PHC3: variants seen among roughly 807,000 people sequenced by gnomAD.
PHC3 encodes the protein polyhomeotic-like protein 3.
In PHC3, 13 loss-of-function variants were observed where a neutral mutation model predicts 107.4. The ratio of observed to expected loss-of-function variants is 0.12; its 90% CI spans 0.08 to 0.19. PHC3 has a LOEUF of 0.19. PHC3 is among the 10% of genes least tolerant of loss of function. The pLI is 1.00. For synonymous variants in PHC3, 456 were observed against 427.4 expected (o/e 1.07, Z -0.83); for missense variants, 992 against 1,210.9 (o/e 0.82, Z 2.68).
At chr3:170,155,947 A>C (rs1279572167) in intron 4 of PHC3, among the ~76,000 whole-genome samples, 1 of 152,086 alleles carries the variant, frequency 6.6e-6, no homozygotes, top group East Asian at 1.9e-4. Flanking sequence ...GTAGATATTA[A>C]TTTTAGAATC....
intron 1 of PHC3, among the ~76,000 whole-genome samples, chr3:170,181,450 T>G (rs964005350): frequency 3.9e-5 from 6 of 152,074 alleles, no homozygotes; most frequent in Non-Finnish European, 8.8e-5. Context: ...AGGGTGACCC[T>G]GCGCGCAGGG....
At chr3:170,169,183 T>C (rs1438708564) in intron 4 of PHC3, among the ~76,000 whole-genome samples, 1 of 152,174 alleles carries the variant, frequency 6.6e-6, no homozygotes, top group East Asian at 1.9e-4. Context: ...TTTAAAATAA[T>C]ATTCCATTTC....
rs878962814 is a variant in PHC3 at position 170,097,596 on chromosome 3, T to A, written c.2834-212A>T. Among the ~76,000 whole-genome samples, 1 of 152,108 alleles carries A rather than the reference T, an allele frequency of 6.6e-6. No homozygotes were observed. Among genetic ancestry groups the A allele is most frequent in the Non-Finnish European group, 1.5e-5 (1 of 68,008 alleles). Reference sequence around the variant, plus strand: ...AGAATTCAAAATCCAGGTAAAGCAATTTGCTTGGAATTCTTGCTCTAAAAT... The same window carrying A: ...AGAATTCAAAATCCAGGTAAAGCAAATTGCTTGGAATTCTTGCTCTAAAAT... On this transcript the variant is annotated intron_variant, in intron 14 of 14. Transcript: ENST00000495893. The surrounding 1 kb of genome is among the most constrained non-coding windows in gnomAD (Gnocchi z 4.1).
At chr3:170,166,456 T>C (rs951323640) in intron 4 of PHC3, among the ~76,000 whole-genome samples, 5 of 152,222 alleles carry the variant, frequency 3.3e-5, no homozygotes, top group African/African-American at 1.2e-4. Context: ...TCCAAGTCTC[T>C]CTGTAGACAC....
At chr3:170,134,346 C>T (rs563173908) in intron 7 of PHC3, among the ~76,000 whole-genome samples, 10 of 152,034 alleles carry the variant, frequency 6.6e-5, no homozygotes, top group Middle Eastern at 3.4e-3. Context: ...CCGGCCACTA[C>T]GCACGGCTAA....
At chr3:170,114,559 T>G (rs1011631541) in intron 10 of PHC3, among the ~76,000 whole-genome samples, 20 of 152,216 alleles carry the variant, frequency 1.3e-4, no homozygotes, top group African/African-American at 4.6e-4. Context: ...TTTAGCAAAC[T>G]AATCCACTAT....
chr3:170,107,527 T>C (rs1716788609), intron 11 of PHC3, among the ~76,000 whole-genome samples: 1 of 152,178 alleles, frequency 6.6e-6, no homozygotes, highest in African/African-American at 2.4e-5. Context: ...AAGAATCGTT[T>C]GAGACAAGGA....
rs1267518318 is a variant in PHC3 at position 170,178,917 on chromosome 3, A to G, written c.36T>C (p.Ala12=). ...AEAEFKDHST[A]MDTEPNPGTS... is the part of the protein sequence containing the mutation. ...TTCCCGGGTTTGGTTCAGTATCCATAGCTGTACTATGGTCCTTAAATCTGG... is the reference window on the plus strand; with the variant it reads ...TTCCCGGGTTTGGTTCAGTATCCATGGCTGTACTATGGTCCTTAAATCTGG... The change falls in exon 2 of 15, where the codon GCT becomes GCC. Residue 12 remains alanine (A), a synonymous_variant. Transcript: ENST00000495893. 4 of 1,613,762 alleles carry G rather than the reference A, an allele frequency of 2.5e-6. No individual in the cohort carries two copies. The Admixed American group carries it at 6.7e-5, about 27-fold the overall frequency.
Position 170,129,310 on chromosome 3 carries a change from G to C in PHC3, c.1162C>G (p.Gln388Glu). The change falls in exon 8 of 15, where the codon CAG (glutamine) becomes GAG (glutamate). Residue 388 changes from glutamine (Q) to glutamate (E), a missense_variant. By Grantham distance (29) the Gln-to-Glu change is conservative. Coordinates refer to ENST00000495893, the MANE Select transcript of PHC3 (RefSeq NM_024947.4). ...ACTGTTAAAGGAGAGGGATGACTCT[G>C]AATCGGTGAACAATGCTGTGACTGG... ...NAQSQHCSPI[Q>E]SHPSPLTVSP... is the part of the protein sequence containing the mutation. 1 of 1,613,990 alleles carries C rather than the reference G, an allele frequency of 6.2e-7. No individual in the cohort carries two copies. The highest frequency in any genetic ancestry group is 8.5e-7 in the Non-Finnish European group (1 of 1,179,884).
rs1485497022 is a variant in PHC3 at position 170,097,624 on chromosome 3, T to C, written c.2834-240A>G. Among the ~76,000 whole-genome samples, 3 of 152,172 alleles carry C rather than the reference T, an allele frequency of 2.0e-5. No homozygotes were observed. In the East Asian group the frequency reaches 5.8e-4, roughly 29 times the overall value. On this transcript the variant is annotated intron_variant, in intron 14 of 14. Transcript: ENST00000495893. The surrounding 1 kb of genome is among the most constrained non-coding windows in gnomAD (Gnocchi z 4.1). ...GCTTGGAATTCTTGCTCTAAAATAA[T>C]GTTATAGAAATAATTCATAAGAGGG...
At chr3:170,153,723 A>G (rs1726410776) in intron 4 of PHC3, among the ~76,000 whole-genome samples, 1 of 150,940 alleles carries the variant, frequency 6.6e-6, no homozygotes, top group Non-Finnish European at 1.5e-5. Flanking sequence ...AGATCGCGCC[A>G]CTGCACTCCA....
intron 4 of PHC3, among the ~76,000 whole-genome samples, chr3:170,154,500 T>A (rs1726571155): frequency 6.6e-6 from 1 of 152,244 alleles, no homozygotes; most frequent in South Asian, 2.1e-4. Context: ...TATTTACACA[T>A]TCTCTAAAGA....
In PHC3 at chr3:170,112,934, C is replaced by T. The variant is rs970753073; in HGVS notation, c.2353+426G>A. On this transcript the variant is annotated intron_variant, in intron 11 of 14. Transcript: ENST00000495893. ...ATACTTAATACAATTATAATATCCA[C>T]CTGATGTCAAACATCAGCATGCAGA... 6.6e-5 allele frequency among the ~76,000 whole-genome samples: 10 copies of T among 152,234 alleles called. No individual in the cohort carries two copies. In the South Asian group the frequency reaches 1.2e-3, roughly 19 times the overall value.
At chr3:170,173,821 A>AT (rs1299249286) in intron 2 of PHC3, among the ~76,000 whole-genome samples, 1 of 152,230 alleles carries the variant, frequency 6.6e-6, no homozygotes, top group Non-Finnish European at 1.5e-5. Context: ...ATTAGAGGTG[A>AT]TTTTTAGCTT....
chr3:170,142,407 T>C (rs1395899159), intron 6 of PHC3, among the ~76,000 whole-genome samples: 1 of 152,050 alleles, frequency 6.6e-6, no homozygotes. Context: ...TGCTGGCAAA[T>C]GTTGTTGCTG....
chr3:170,173,750 A>C, intron 2 of PHC3, among the ~76,000 whole-genome samples: 1 of 152,234 alleles, frequency 6.6e-6, no homozygotes, highest in East Asian at 1.9e-4. Flanking sequence ...TACCATTTTT[A>C]TATTAAAATA....
At chr3:170,131,278 C>T (rs1360929200) in intron 7 of PHC3, among the ~76,000 whole-genome samples, 2 of 151,662 alleles carry the variant, frequency 1.3e-5, no homozygotes, top group African/African-American at 4.8e-5. Context: ...CTATGCTAAA[C>T]AGTATTCAAA....
At position 170,117,175 on chromosome 3, in the gene PHC3, A is replaced by G. The variant is rs764342572; in HGVS notation, c.2193+51T>C. 1.9e-6 allele frequency: 3 copies of G among 1,607,118 alleles called. No individual in the cohort carries two copies. In the South Asian group the frequency reaches 3.3e-5, roughly 18 times the overall value. ...GAGAACAGTAATATGTAACTTTTAA[A>G]ATAATGTTATATAAATTACAAACAC... On this transcript the variant is annotated intron_variant, in intron 10 of 14. Transcript: ENST00000495893.
intron 14 of PHC3, among the ~76,000 whole-genome samples, chr3:170,099,659 C>T (rs1347280922): frequency 6.6e-6 from 1 of 152,156 alleles, no homozygotes; most frequent in Non-Finnish European, 1.5e-5. Context: ...TGGGTCCCAA[C>T]TGATCTTTCA....
Sources: allele counts gnomAD v4.1 joint callset (sites outside exome capture counted in the v4.1 genomes callset), GRCh38; gene constraint gnomAD v4.1.1; non-coding constraint Gnocchi (gnomAD v3.1); transcripts MANE v1.5; gene names NCBI Gene and HGNC (gene_info 2026-07-23, HGNC 2026-07-21).